The following LOXHD1 variants were observed in gnomAD, a reference collection of about 807,000 sequenced individuals.
LOXHD1 encodes the protein lipoxygenase homology domain-containing protein 1.
LOXHD1 carries 205 observed loss-of-function variants against 248.2 expected under a neutral mutation model. The observed-to-expected ratio is 0.83, with a 90% confidence interval of 0.74 to 0.93. The LOEUF (loss-of-function observed/expected upper bound fraction) is 0.93, where lower values mean the gene tolerates loss of function less well. LOXHD1 is among the 40% of genes least tolerant of loss of function. LOXHD1 has a pLI of 0.00. For missense variants in LOXHD1, 2,930 were observed against 2,971.6 expected (o/e 0.99, Z 0.33); for synonymous variants, 1,113 against 1,162.8 (o/e 0.96, Z 0.87).
At chr18:46,595,043 A>C (rs1207830140) in intron 8 of LOXHD1, among the ~76,000 whole-genome samples, 1 of 152,196 alleles carries the variant, frequency 6.6e-6, no homozygotes, top group Non-Finnish European at 1.5e-5. Context: ...TTTGACTCTC[A>C]CATTACTGGT....
chr18:46,586,041 G>A (rs901563642), intron 12 of LOXHD1, among the ~76,000 whole-genome samples: 4 of 152,098 alleles, frequency 2.6e-5, no homozygotes, highest in African/African-American at 4.8e-5. Context: ...TTGGTACATC[G>A]ATACAATGGA....
rs1168101737 is a variant in LOXHD1 at position 46,563,159 on chromosome 18, T to C, written c.2504A>G (p.Tyr835Cys). 2.8e-5 allele frequency: 43 copies of C among 1,539,308 alleles called. No homozygotes were observed. Among genetic ancestry groups the C allele is most frequent in the South Asian group, 3.6e-5 (3 of 83,742 alleles). The change falls in exon 18 of 41, where the codon TAC becomes TGC. Residue 835 changes from tyrosine (Y) to cysteine (C), a missense_variant. Tyr to Cys is a radical substitution (Grantham distance 194, BLOSUM62 -2). Coordinates refer to ENST00000642948, the MANE Select transcript of LOXHD1 (RefSeq NM_001384474.1). ...GCCTTTCTCTCCATAGATCTGCATGTAGACTCGGGCACTGGTGCCTGCGCC... is the reference window on the plus strand; with the variant it reads ...GCCTTTCTCTCCATAGATCTGCATGCAGACTCGGGCACTGGTGCCTGCGCC... ...VGGAGTSARVYMQIYGEKGKT... is the reference protein window; with the variant it reads ...VGGAGTSARVCMQIYGEKGKT...
At chr18:46,616,702 C>T (rs551838456) in intron 5 of LOXHD1, among the ~76,000 whole-genome samples, 4 of 152,060 alleles carry the variant, frequency 2.6e-5, no homozygotes, top group Admixed American at 6.6e-5. Flanking sequence ...CTAATTTAGC[C>T]GTCACTCTGG....
intron 4 of LOXHD1, among the ~76,000 whole-genome samples, chr18:46,637,619 T>C (rs1382559386): frequency 3.3e-5 from 5 of 152,000 alleles, no homozygotes; most frequent in African/African-American, 1.2e-4. Context: ...CTCTCTCTCA[T>C]ACTCACACAC....
In LOXHD1 at chr18:46,601,442, G is replaced by A; in HGVS notation, c.909C>T (p.Phe303=). The A allele has an allele frequency of 1.9e-6, 3 of 1,551,754 alleles. No homozygotes were observed. Among genetic ancestry groups the A allele is most frequent in the Non-Finnish European group, 1.7e-6 (2 of 1,147,020 alleles). ...TACCAGCCCCCCGGACATCCCCAGT[G>A]AAGACGGTGACAATATACGTAATAG... ...TTAITYIVTV[F]TGDVRGAGTK... is the part of the protein sequence containing the mutation. Residue 303 remains phenylalanine, a synonymous_variant, in exon 8 of 41, where the codon TTC becomes TTT. Coordinates refer to ENST00000642948, the MANE Select transcript of LOXHD1 (RefSeq NM_001384474.1).
At chr18:46,479,499 G>T (rs905431829) in intron 40 of LOXHD1, among the ~76,000 whole-genome samples, 14 of 152,044 alleles carry the variant, frequency 9.2e-5, no homozygotes, top group Non-Finnish European at 1.6e-4. Context: ...GAGAGGGCAT[G>T]GTCTGCCCCA....
intron 18 of LOXHD1, among the ~76,000 whole-genome samples, chr18:46,562,307 G>A (rs1401655352): frequency 1.3e-5 from 2 of 152,218 alleles, no homozygotes; most frequent in Non-Finnish European, 2.9e-5. Flanking sequence ...AGGCTAAGGT[G>A]CTCCTGGCAT....
chr18:46,574,388 TACACACAC>T (rs569144159), intron 14 of LOXHD1, among the ~76,000 whole-genome samples: 3 of 125,312 alleles, frequency 2.4e-5, no homozygotes, highest in South Asian at 2.8e-4. Flanking sequence ...TGTGTACACA[TACACACAC>T]ACACACACAC....
chr18:46,625,933 T>G (rs2038736350), intron 4 of LOXHD1, among the ~76,000 whole-genome samples: 1 of 152,200 alleles, frequency 6.6e-6, no homozygotes, highest in African/African-American at 2.4e-5. Context: ...TCTAGTAGAC[T>G]GCTAGTATTT....
At chr18:46,560,823 T>C (rs9960651) in intron 18 of LOXHD1, among the ~76,000 whole-genome samples, 41,200 of 152,014 alleles carry the variant, frequency 0.27, 6,348 homozygotes, top group African/African-American at 0.41. Context: ...CTTAAACACA[T>C]ATGCCTGCAC....
rs74961650 is a variant in LOXHD1, at chr18:46,482,356, T to C, written c.6341+1231A>G. ...GCCCTTATGATGGAATTAGTGCCCTTACACAAAGAGGAAGAGAAACCAGAG... is the reference window on the plus strand; with the variant it reads ...GCCCTTATGATGGAATTAGTGCCCTCACACAAAGAGGAAGAGAAACCAGAG... On this transcript the variant is annotated intron_variant, in intron 40 of 40. Coordinates refer to ENST00000642948, the MANE Select transcript of LOXHD1 (RefSeq NM_001384474.1). Among the ~76,000 whole-genome samples, 689 of 152,204 alleles carry C rather than the reference T, an allele frequency of 4.5e-3. 4 individuals carry two copies. Among genetic ancestry groups the C allele is most frequent in the African/African-American group, 0.015 (639 of 41,520 alleles).
chr18:46,477,681 G>A lies in LOXHD1; in HGVS notation c.6613C>T (p.Arg2205Cys), dbSNP rs750111412. 17 of 1,551,734 alleles carry A rather than the reference G, an allele frequency of 1.1e-5. No homozygotes were observed. The highest frequency in any genetic ancestry group is 6.8e-5 in the African/African-American group (5 of 73,068). Residue 2205 changes from arginine to cysteine, a missense_variant, in exon 41 of 41, where the codon CGC becomes TGC. Arg to Cys is a radical substitution (Grantham distance 180). Coordinates refer to ENST00000642948, the MANE Select transcript of LOXHD1 (RefSeq NM_001384474.1). The stretch of plus-strand genomic sequence containing the variant: ...AGCTCCAGCGTCTCCAGGAAGAAGC[G>A]GTCTGTGCTGCCCCGCTCGAAGAGG... Reference protein sequence around the residue: ...RNLFERGSTDRFFLETLELGE... With the variant: ...RNLFERGSTDCFFLETLELGE...
intron 28 of LOXHD1, among the ~76,000 whole-genome samples, chr18:46,532,038 G>A (rs2036094190): frequency 6.6e-6 from 1 of 152,150 alleles, no homozygotes; most frequent in Non-Finnish European, 1.5e-5. Flanking sequence ...TCTTTTGGGT[G>A]TCTTATCCAC....
In LOXHD1 at chr18:46,534,444, TC is replaced by T; in HGVS notation, c.4102del (p.Asp1368MetfsTer18). 1 of 1,551,118 alleles carries T rather than the reference TC, an allele frequency of 6.4e-7. No homozygotes were observed. The highest frequency in any genetic ancestry group is 8.7e-7 in the Non-Finnish European group (1 of 1,146,386). On this transcript the variant is annotated frameshift_variant, in exon 27 of 41. Transcript: ENST00000642948. LOFTEE classifies it high-confidence loss of function. ...AATTTTTTCAATGATTTCTCCCACA[TC>T]TTCTAACTTTGGAAAGGAGATAAGG... ...SASRFIVELE[D>X]VGEIIEKIRI...
chr18:46,553,976 G>A (rs370321953), intron 21 of LOXHD1, among the ~76,000 whole-genome samples: 2 of 152,200 alleles, frequency 1.3e-5, no homozygotes, highest in East Asian at 1.9e-4. Flanking sequence ...TCAGAATAGA[G>A]AGATGAGGGG....
At position 46,577,713 on chromosome 18, in the gene LOXHD1, C is replaced by T. The variant is rs1599021642; in HGVS notation, c.1964G>A (p.Cys655Tyr). The T allele has an allele frequency of 6.4e-7, 1 of 1,550,888 alleles. No homozygotes were observed. ...QPESDNVEFP[C>Y]LRWLDKDKDD... ...GCAGGCAGGACGCATGTACCTGAGA[C>T]ATGGGAACTCCACGTTGTCGCTCTC... The change falls in exon 14 of 41, where the codon TGT becomes TAT. Residue 655 changes from cysteine to tyrosine, a missense_variant. Coordinates refer to ENST00000642948, the MANE Select transcript of LOXHD1 (RefSeq NM_001384474.1).
chr18:46,634,798 A>G (rs1026308465), intron 4 of LOXHD1, among the ~76,000 whole-genome samples: 1 of 152,168 alleles, frequency 6.6e-6, no homozygotes, highest in Non-Finnish European at 1.5e-5. Flanking sequence ...GTGGGGAACA[A>G]TGGAGAGTTA....
Position 46,657,186 on chromosome 18 carries a change from C to T in LOXHD1, c.-153G>A. On this transcript the variant is annotated 5_prime_UTR_variant, in exon 1 of 41. Transcript: ENST00000642948. Reference sequence around the variant, plus strand: ...CAGAGTGCCCCGTTTTCTTGGCTTCCCCGTGCCCAAGGTGCTGTTCCCTCT... The same window carrying T: ...CAGAGTGCCCCGTTTTCTTGGCTTCTCCGTGCCCAAGGTGCTGTTCCCTCT... The T allele has an allele frequency of 7.8e-7, 1 of 1,279,580 alleles. No homozygotes were observed. The allele number at this position is 1,279,580 out of a possible 1,614,324, so 79.3% of individuals were successfully genotyped here. A position where few individuals can be genotyped will look rare whatever the true frequency, so the allele number is the denominator to read the frequency against.
chr18:46,619,392 T>A (rs1475140382), intron 4 of LOXHD1, among the ~76,000 whole-genome samples: 2 of 152,196 alleles, frequency 1.3e-5, no homozygotes, highest in African/African-American at 4.8e-5. Flanking sequence ...TCCGCTATGT[T>A]GCCTGTGACA....
Sources: gnomAD v4.1 joint callset for allele counts (sites outside exome capture counted in the v4.1 genomes callset) on GRCh38, gnomAD v4.1.1 for gene constraint, MANE v1.5 for transcripts, NCBI Gene and HGNC (gene_info 2026-07-23, HGNC 2026-07-21) for gene names.